TBL1XR1: variants seen among roughly 807,000 people sequenced by gnomAD.
The protein encoded by TBL1XR1 is F-box-like/WD repeat-containing protein TBL1XR1.
TBL1XR1 carries 5 observed loss-of-function variants against 66.9 expected under a neutral mutation model. The ratio of observed to expected loss-of-function variants is 0.07; its 90% CI spans 0.04 to 0.16. TBL1XR1 has a LOEUF of 0.16. Among genes scored for constraint, TBL1XR1 ranks in the 10% least tolerant of loss-of-function variants. TBL1XR1 has a pLI of 1.00. For synonymous variants in TBL1XR1, 210 were observed against 206.0 expected (o/e 1.02, Z -0.17); for missense variants, 238 against 623.2 (o/e 0.38, Z 6.58).
At chr3:177,135,367 ATATATATATATATATG>A (rs1426636179) in intron 1 of TBL1XR1, among the ~76,000 whole-genome samples, 1,629 of 32,858 alleles carry the variant, frequency 0.05, 68 homozygotes, top group African/African-American at 0.093. Context: ...ATATATATAT[ATATATATATATATATG>A]TATGTATTTT....
Position 177,118,514 on chromosome 3 carries a change from C to T in TBL1XR1, c.-121-19973G>A, listed in dbSNP as rs116302281. 4.1e-3 allele frequency among the ~76,000 whole-genome samples: 622 copies of T among 152,154 alleles called. 6 individuals are homozygous for T. Among genetic ancestry groups the T allele is most frequent in the African/African-American group, 0.014 (578 of 41,504 alleles). On this transcript the variant is annotated intron_variant, in intron 1 of 15. Transcript: ENST00000457928. Reference sequence around the variant, plus strand: ...CTTTCACTGATCAAAACAAAGCCCACAACGGAAGGAAGAAGAAAGGAAATA... The same window carrying T: ...CTTTCACTGATCAAAACAAAGCCCATAACGGAAGGAAGAAGAAAGGAAATA...
At chr3:177,139,534 C>A (rs1463627221) in intron 1 of TBL1XR1, among the ~76,000 whole-genome samples, 1 of 148,958 alleles carries the variant, frequency 6.7e-6, no homozygotes, top group East Asian at 2.0e-4. Flanking sequence ...GACTCCATCT[C>A]GGGGGGAAAA....
chr3:177,125,113 A>G (rs1029462531), intron 1 of TBL1XR1, among the ~76,000 whole-genome samples: 4 of 152,182 alleles, frequency 2.6e-5, no homozygotes, highest in Non-Finnish European at 4.4e-5. Context: ...TCAAAAGACA[A>G]CATCAAGAAA....
chr3:177,183,162 C>T (rs891003371), intron 1 of TBL1XR1, among the ~76,000 whole-genome samples: 1 of 152,142 alleles, frequency 6.6e-6, no homozygotes, highest in East Asian at 1.9e-4. Flanking sequence ...GTCGACGTTT[C>T]TGAGTACTGA....
At chr3:177,037,967 T>G (rs1576993242) in intron 12 of TBL1XR1, 131 bp downstream of exon 12, 1 of 685,736 alleles carries the variant, frequency 1.5e-6, no homozygotes, top group South Asian at 2.3e-5. Flanking sequence ...GGTTAGCCAT[T>G]TAAAATGTTG....
At chr3:177,072,827 G>A (rs1447631960) in intron 2 of TBL1XR1, among the ~76,000 whole-genome samples, 1 of 152,230 alleles carries the variant, frequency 6.6e-6, no homozygotes, top group Non-Finnish European at 1.5e-5. Context: ...ACTTTGAGAA[G>A]CCGAGGCGGG....
intron 3 of TBL1XR1, among the ~76,000 whole-genome samples, chr3:177,060,483 T>C (rs1450501691): frequency 2.6e-5 from 4 of 152,178 alleles, no homozygotes; most frequent in African/African-American, 9.6e-5. Flanking sequence ...AATGGAGAAG[T>C]TACAGAGCTC....
At chr3:177,069,784 AAAGGAAGGAAAGG>A (rs1186571399) in intron 2 of TBL1XR1, among the ~76,000 whole-genome samples, 4 of 39,526 alleles carry the variant, frequency 1.0e-4, no homozygotes, top group Non-Finnish European at 1.8e-4. Context: ...AAAGGAAGGA[AAAGGAAGGAAAGG>A]AAGGAAGGAA....
Position 177,026,485 on chromosome 3 carries a change from G to A in TBL1XR1, c.1417-11C>T. 8 of 1,557,366 alleles carry A rather than the reference G, an allele frequency of 5.1e-6. No homozygotes were observed. The highest frequency in any genetic ancestry group is 2.3e-5 in the East Asian group (1 of 43,538). On this transcript the variant is annotated splice_polypyrimidine_tract_variant and intron_variant, in intron 14 of 15. Coordinates refer to ENST00000457928, the MANE Select transcript of TBL1XR1 (RefSeq NM_024665.7). ...AACTAGAGCACCTGTCTAAAAGAAT[G>A]AAAAACAAAATCTTAAAAATCGTAA...
intron 1 of TBL1XR1, among the ~76,000 whole-genome samples, chr3:177,134,444 G>A (rs1434687549): frequency 1.3e-5 from 2 of 152,040 alleles, no homozygotes; most frequent in African/African-American, 2.4e-5. Flanking sequence ...GCTACTAAGG[G>A]GAATACATGA....
chr3:177,068,913 A>C (rs935899683), intron 2 of TBL1XR1, among the ~76,000 whole-genome samples: 1 of 152,266 alleles, frequency 6.6e-6, no homozygotes, highest in Non-Finnish European at 1.5e-5. Flanking sequence ...TGTGTAATCG[A>C]AATTACTTTA....
Position 177,019,811 on chromosome 3 carries a change from G to A in TBL1XR1, c.*5687C>T, listed in dbSNP as rs1175078284. 1.3e-5 allele frequency: 2 copies of A among 151,846 alleles called. No homozygotes were observed. Among genetic ancestry groups the A allele is most frequent in the Non-Finnish European group, 2.9e-5 (2 of 67,986 alleles). 9.4% of individuals were successfully genotyped at this position (151,846 alleles called of 1,614,324 possible). ...CTTTTTGGAAAAGTATACAATGCAG[G>A]ATATTACTAATAATCTATGCCATGC... On this transcript the variant is annotated 3_prime_UTR_variant, in exon 16 of 16. Transcript: ENST00000457928.
intron 1 of TBL1XR1, among the ~76,000 whole-genome samples, chr3:177,191,873 A>G (rs6804442): frequency 0.62 from 92,113 of 149,218 alleles, 28,268 homozygotes; most frequent in East Asian, 0.76. Flanking sequence ...GGAGGCCGAG[A>G]CGGGCGGTCA....
intron 14 of TBL1XR1, chr3:177,026,962 G>A (rs894899494): frequency 6.6e-6 from 1 of 152,512 alleles, no homozygotes; most frequent in African/African-American, 2.4e-5. Context: ...CAGTTCCTAA[G>A]CTAGGGGATT....
chr3:177,161,056 G>C (rs1732154239), intron 1 of TBL1XR1: 1 of 151,506 alleles, frequency 6.6e-6, no homozygotes, highest in Non-Finnish European at 1.5e-5. Context: ...TTTATATCAA[G>C]TACTAAAACA....
chr3:177,070,425 T>C (rs2108561902), intron 2 of TBL1XR1, among the ~76,000 whole-genome samples: 2 of 152,266 alleles, frequency 1.3e-5, no homozygotes, highest in East Asian at 3.9e-4. Context: ...GGACAAGAAA[T>C]GAAAATGCTA....
chr3:177,152,896 A>C lies in TBL1XR1; in HGVS notation c.-122+44225T>G, dbSNP rs1160300647. Among the ~76,000 whole-genome samples the C allele has an allele frequency of 5.9e-5, 9 of 152,170 alleles. 1 individual carries two copies. Among genetic ancestry groups the C allele is most frequent in the Non-Finnish European group, 1.3e-4 (9 of 68,038 alleles). On this transcript the variant is annotated intron_variant, in intron 1 of 15. Transcript: ENST00000457928. ...CATTCCTATTAAGCTGGTGCTACCC[A>C]ACAGAACCACACTGTTTGTGGATCA... is the stretch of plus-strand genomic sequence containing the variant.
chr3:177,176,768 T>C (rs138750455), intron 1 of TBL1XR1, among the ~76,000 whole-genome samples: 5,036 of 152,062 alleles, frequency 0.033, 213 homozygotes, highest in African/African-American at 0.099. Flanking sequence ...TGAGCCAAGA[T>C]TGCGCCACTG....
At chr3:177,187,116 G>C (rs1407412603) in intron 1 of TBL1XR1, among the ~76,000 whole-genome samples, 2 of 146,254 alleles carry the variant, frequency 1.4e-5, no homozygotes, top group African/African-American at 5.1e-5. Context: ...GCCATGAGCC[G>C]AGATCGTGCC....
Sources: gnomAD v4.1 joint callset for allele counts (sites outside exome capture counted in the v4.1 genomes callset) on GRCh38, gnomAD v4.1.1 for gene constraint, MANE v1.5 for transcripts, NCBI Gene and HGNC (gene_info 2026-07-23, HGNC 2026-07-21) for gene names.